The following SESTD1 variants were observed in gnomAD, a reference collection of about 807,000 sequenced individuals.
SESTD1 encodes the protein SEC14 and spectrin domain containing 1, also known as SEC14 domain and spectrin repeat-containing protein 1.
SESTD1 carries 43 observed loss-of-function variants against 101.7 expected under a neutral mutation model. The ratio of observed to expected loss-of-function variants is 0.42; its 90% CI spans 0.33 to 0.55. SESTD1 has a LOEUF of 0.55. SESTD1 is among the 20% of genes least tolerant of loss of function. The pLI, the probability that SESTD1 is intolerant of heterozygous loss-of-function variation, is 0.07. For missense variants in SESTD1, 647 were observed against 815.1 expected, an observed-to-expected ratio of 0.79 and a Z score of 2.51; for synonymous variants, 283 against 286.8, an observed-to-expected ratio of 0.99 and a Z score of 0.13.
intron 3 of SESTD1, among the ~76,000 whole-genome samples, chr2:179,179,120 G>T (rs2046064333): frequency 6.6e-6 from 1 of 152,110 alleles, no homozygotes; most frequent in Non-Finnish European, 1.5e-5. Flanking sequence ...AAAGGAAATA[G>T]TTTTGTTTTT....
intron 5 of SESTD1, among the ~76,000 whole-genome samples, chr2:179,157,289 A>G (rs2105457691): frequency 6.6e-6 from 1 of 152,324 alleles, no homozygotes; most frequent in South Asian, 2.1e-4. Context: ...GAAAATGCCC[A>G]TACTGCCAAA....
At chr2:179,114,592 A>G (rs78396667) in intron 16 of SESTD1, among the ~76,000 whole-genome samples, 4,383 of 152,332 alleles carry the variant, frequency 0.029, 87 homozygotes, top group Admixed American at 0.036. Context: ...ATGAATCTTT[A>G]AAGAACACAT....
chr2:179,158,854 G>A (rs560081018), intron 5 of SESTD1, among the ~76,000 whole-genome samples: 1 of 152,162 alleles, frequency 6.6e-6, no homozygotes, highest in African/African-American at 2.4e-5. Flanking sequence ...GTTAAATAAC[G>A]TATGTGGGGG....
Position 179,103,387 on chromosome 2 carries a change from G to GATA in SESTD1, c.*6511_*6512insTAT, listed in dbSNP as rs2044313902. The GATA allele has an allele frequency of 6.6e-6, 1 of 152,036 alleles. No homozygotes were observed. The highest frequency in any genetic ancestry group is 1.5e-5 in the Non-Finnish European group (1 of 68,004). The allele number at this position is 152,036 out of a possible 1,614,324, so 9.4% of individuals were successfully genotyped here. On this transcript the variant is annotated 3_prime_UTR_variant, in exon 18 of 18. Transcript: ENST00000428443. ...ATAAAACTGAACTGGAAAAAGGTAT[G>GATA]GCAGTTTCTTTTAAAACTACCCTGT...
chr2:179,249,548 T>C (rs1378844979), intron 1 of SESTD1, among the ~76,000 whole-genome samples: 1 of 152,216 alleles, frequency 6.6e-6, no homozygotes, highest in African/African-American at 2.4e-5. Flanking sequence ...AACATGTTCA[T>C]GGATTTGCAG....
At chr2:179,175,473 T>G (rs779415604) in intron 4 of SESTD1, among the ~76,000 whole-genome samples, 1 of 152,316 alleles carries the variant, frequency 6.6e-6, no homozygotes, top group Non-Finnish European at 1.5e-5. Context: ...TGATATCCAC[T>G]TAAGTGAATT....
chr2:179,147,822 T>A (rs773617285), intron 7 of SESTD1, among the ~76,000 whole-genome samples: 8 of 152,204 alleles, frequency 5.3e-5, no homozygotes, highest in Non-Finnish European at 1.0e-4. Flanking sequence ...GTCACCAACA[T>A]GGGATGTCTT....
At chr2:179,257,862 CAG>C (rs965049788) in intron 1 of SESTD1, among the ~76,000 whole-genome samples, 45 of 152,226 alleles carry the variant, frequency 3.0e-4, no homozygotes, top group African/African-American at 1.0e-3. Flanking sequence ...TTAAACCAAA[CAG>C]TAATTTCGTA....
At chr2:179,219,825 A>C (rs1255648620) in intron 1 of SESTD1, among the ~76,000 whole-genome samples, 2 of 152,210 alleles carry the variant, frequency 1.3e-5, no homozygotes, top group Non-Finnish European at 2.9e-5. Context: ...CTAAAATGAA[A>C]GTTATTTTTT....
intron 5 of SESTD1, 70 bp from the exon 6 acceptor site, chr2:179,151,461 G>A (rs1001890402): frequency 6.3e-6 from 6 of 959,754 alleles, no homozygotes; most frequent in Middle Eastern, 2.2e-4. Context: ...TAACCAGGAG[G>A]TAAAATTAGG....
At chr2:179,229,224 T>C (rs772829143) in intron 1 of SESTD1, among the ~76,000 whole-genome samples, 1 of 152,192 alleles carries the variant, frequency 6.6e-6, no homozygotes, top group Non-Finnish European at 1.5e-5. Flanking sequence ...CATTTGAATT[T>C]GTGGAATAGG....
chr2:179,188,413 G>C (rs745322979), intron 2 of SESTD1, among the ~76,000 whole-genome samples: 1 of 152,160 alleles, frequency 6.6e-6, no homozygotes, highest in Non-Finnish European at 1.5e-5. Context: ...CAAAGTGAGC[G>C]AGTCACTTGA....
chr2:179,211,331 CA>C (rs201124829), intron 1 of SESTD1, among the ~76,000 whole-genome samples: 1 of 131,414 alleles, frequency 7.6e-6, no homozygotes. Context: ...TATGGAACAA[CA>C]AAAAAAAGAG....
chr2:179,118,798 G>A (rs1337195505), intron 13 of SESTD1, among the ~76,000 whole-genome samples: 1 of 152,168 alleles, frequency 6.6e-6, no homozygotes, highest in African/African-American at 2.4e-5. Flanking sequence ...GCTCCCATTT[G>A]CAGAGATGTT....
At chr2:179,220,476 A>G (rs2046799718) in intron 1 of SESTD1, among the ~76,000 whole-genome samples, 1 of 152,152 alleles carries the variant, frequency 6.6e-6, no homozygotes, top group Non-Finnish European at 1.5e-5. Context: ...CCCCAGCTTT[A>G]GAGTATCCCC....
intron 5 of SESTD1, among the ~76,000 whole-genome samples, chr2:179,161,897 G>A (rs929210274): frequency 6.6e-6 from 1 of 152,046 alleles, no homozygotes; most frequent in African/African-American, 2.4e-5. Flanking sequence ...AACCAAATTT[G>A]ATTTCATCAC....
chr2:179,231,444 A>C (rs543094929), intron 1 of SESTD1, among the ~76,000 whole-genome samples: 2 of 152,154 alleles, frequency 1.3e-5, no homozygotes, highest in South Asian at 4.1e-4. Context: ...AAACAAAGAA[A>C]TGAGGACATT....
At chr2:179,177,257 C>T (rs1238188106) in intron 3 of SESTD1, among the ~76,000 whole-genome samples, 1 of 152,140 alleles carries the variant, frequency 6.6e-6, no homozygotes, top group Non-Finnish European at 1.5e-5. Context: ...GGAAAAACTC[C>T]ATTCTAAAGG....
intron 1 of SESTD1, among the ~76,000 whole-genome samples, chr2:179,215,820 G>T (rs2046712601): frequency 7.4e-6 from 1 of 135,350 alleles, no homozygotes; most frequent in African/African-American, 2.9e-5. Context: ...TCCCTGAGAT[G>T]CAAGTCTGGT....
Sources: allele counts gnomAD v4.1 joint callset (sites outside exome capture counted in the v4.1 genomes callset), GRCh38; gene constraint gnomAD v4.1.1; transcripts MANE v1.5; gene names NCBI Gene and HGNC (gene_info 2026-07-23, HGNC 2026-07-21).